Variants in WWOX observed in about 807,000 individuals in gnomAD.
The protein encoded by WWOX is WW domain containing oxidoreductase.
WWOX carries 69 observed loss-of-function variants against 46.2 expected under a neutral mutation model. That is an observed-to-expected ratio of 1.49 (90% CI 1.23 to 1.82). The LOEUF is 1.82. Ranked by LOEUF, WWOX falls within the 40% of genes most tolerant of loss-of-function variation. WWOX has a pLI of 0.00. For missense variants in WWOX, 919 were observed against 542.6 expected (o/e 1.69, Z -6.89); for synonymous variants, 359 against 202.6 (o/e 1.77, Z -6.56).
chr16:79,166,083 A>G (rs2050588939), intron 8 of WWOX, among the ~76,000 whole-genome samples: 1 of 152,194 alleles, frequency 6.6e-6, no homozygotes, highest in African/African-American at 2.4e-5. Flanking sequence ...GACCAGCTTT[A>G]CCTCCCAGCG....
At chr16:78,726,340 C>G (rs2048836759) in intron 8 of WWOX, among the ~76,000 whole-genome samples, 1 of 151,840 alleles carries the variant, frequency 6.6e-6, no homozygotes, top group Non-Finnish European at 1.5e-5. Context: ...TCTTCCCCAC[C>G]TCAGCCTCCC....
chr16:78,919,178 C>T (rs2045319314), intron 8 of WWOX, among the ~76,000 whole-genome samples: 1 of 152,146 alleles, frequency 6.6e-6, no homozygotes, highest in South Asian at 2.1e-4. Context: ...CTATTACATG[C>T]ATGGGCTCTG....
At chr16:78,212,133 C>G (rs955400614) in intron 5 of WWOX, among the ~76,000 whole-genome samples, 1 of 152,178 alleles carries the variant, frequency 6.6e-6, no homozygotes, top group African/African-American at 2.4e-5. Flanking sequence ...CAGCCTCATT[C>G]CAGAGGCTAG....
chr16:78,128,011 G>A (rs1216645516), intron 4 of WWOX, among the ~76,000 whole-genome samples: 1 of 152,168 alleles, frequency 6.6e-6, no homozygotes, highest in Non-Finnish European at 1.5e-5. Flanking sequence ...GTAAAACAAT[G>A]TGTGAAATGC....
At chr16:79,196,812 G>A (rs2051250089) in intron 8 of WWOX, among the ~76,000 whole-genome samples, 1 of 152,158 alleles carries the variant, frequency 6.6e-6, no homozygotes, top group South Asian at 2.1e-4. Flanking sequence ...AGAGCTCAAA[G>A]GGAGCACAAT....
intron 5 of WWOX, among the ~76,000 whole-genome samples, chr16:78,346,645 G>C (rs4375670): frequency 0.76 from 89,823 of 117,576 alleles, 40,444 homozygotes; most frequent in African/African-American, 0.89. Flanking sequence ...AAATATGTGA[G>C]TATGATGAGT....
intron 8 of WWOX, chr16:78,552,059 G>C (rs987280603): frequency 1.3e-5 from 2 of 152,302 alleles, no homozygotes. Context: ...CCTTTCTCAT[G>C]CATTACCTGG....
chr16:78,440,899 G>C (rs888049000), intron 8 of WWOX, among the ~76,000 whole-genome samples: 6 of 152,048 alleles, frequency 3.9e-5, no homozygotes, highest in African/African-American at 1.2e-4. Flanking sequence ...GGGATTCCAG[G>C]CATGAGCCAC....
At chr16:79,210,876 C>T (rs938239601) in intron 8 of WWOX, among the ~76,000 whole-genome samples, 17 of 152,182 alleles carry the variant, frequency 1.1e-4, no homozygotes, top group African/African-American at 3.1e-4. Context: ...GCACTCTTTG[C>T]AACTTACATT....
chr16:78,995,193 C>T (rs1205613895), intron 8 of WWOX, among the ~76,000 whole-genome samples: 2 of 152,040 alleles, frequency 1.3e-5, no homozygotes, highest in East Asian at 1.9e-4. Flanking sequence ...CAGCTTCTCT[C>T]TGCTTGCATT....
At chr16:78,604,624 A>G (rs2045699993) in intron 8 of WWOX, among the ~76,000 whole-genome samples, 1 of 151,746 alleles carries the variant, frequency 6.6e-6, no homozygotes, top group South Asian at 2.1e-4. Context: ...AATGTTAAAT[A>G]CCATTTCCTT....
intron 8 of WWOX, among the ~76,000 whole-genome samples, chr16:79,120,725 G>C (rs997454912): frequency 1.3e-5 from 2 of 152,084 alleles, no homozygotes; most frequent in African/African-American, 4.8e-5. Flanking sequence ...TGGTCACTTG[G>C]ACTTCCCTTC....
At chr16:78,930,016 G>T (rs112204461) in intron 8 of WWOX, among the ~76,000 whole-genome samples, 2 of 152,250 alleles carry the variant, frequency 1.3e-5, no homozygotes, top group African/African-American at 4.8e-5. Context: ...AGCGAATGGG[G>T]TGGCAGGGAA....
intron 5 of WWOX, among the ~76,000 whole-genome samples, chr16:78,166,221 C>T (rs1161321154): frequency 1.3e-5 from 2 of 150,854 alleles, no homozygotes; most frequent in Admixed American, 1.3e-4. Context: ...GCATATAGAT[C>T]TACTTCATTG....
At chr16:78,378,701 G>A (rs2081885453) in intron 5 of WWOX, among the ~76,000 whole-genome samples, 1 of 152,280 alleles carries the variant, frequency 6.6e-6, no homozygotes, top group African/African-American at 2.4e-5. Context: ...ATGTAAAGCG[G>A]AAGGGTGAGA....
intron 8 of WWOX, among the ~76,000 whole-genome samples, chr16:78,753,593 A>T (rs921944554): frequency 1.3e-5 from 2 of 151,666 alleles, no homozygotes; most frequent in African/African-American, 4.8e-5. Context: ...TGAGCCCAGG[A>T]GTTTGCGACC....
At chr16:79,150,892 G>C (rs1049301504) in intron 8 of WWOX, among the ~76,000 whole-genome samples, 5 of 152,168 alleles carry the variant, frequency 3.3e-5, no homozygotes, top group African/African-American at 1.2e-4. Context: ...CCGCAGTCCA[G>C]ATTCAACCTG....
intron 8 of WWOX, among the ~76,000 whole-genome samples, chr16:78,648,695 C>G (rs898250131): frequency 4.6e-5 from 7 of 152,180 alleles, no homozygotes; most frequent in African/African-American, 1.4e-4. Flanking sequence ...TTCCCCATGT[C>G]CACAGCCTCC....
chr16:78,179,479 G>A (rs780100933), intron 5 of WWOX, among the ~76,000 whole-genome samples: 3 of 152,116 alleles, frequency 2.0e-5, no homozygotes, highest in Non-Finnish European at 2.9e-5. Flanking sequence ...ATTAATTATA[G>A]TTAATAATTA....
Sources: gnomAD v4.1 joint callset for allele counts (sites outside exome capture counted in the v4.1 genomes callset) on GRCh38, gnomAD v4.1.1 for gene constraint, MANE v1.5 for transcripts, NCBI Gene and HGNC (gene_info 2026-07-23, HGNC 2026-07-21) for gene names.